The following SLC4A10 variants were observed in gnomAD, a reference collection of about 807,000 sequenced individuals.
SLC4A10 encodes the protein solute carrier family 4 member 10, also known as sodium-driven chloride bicarbonate exchanger.
A neutral mutation model predicts 137.7 loss-of-function variants in SLC4A10; 42 were observed. The observed-to-expected ratio is 0.30, with a 90% CI of 0.24 to 0.39. The LOEUF (loss-of-function observed/expected upper bound fraction) is 0.39, where lower values mean the gene tolerates loss of function less well. SLC4A10 is among the 10% of genes least tolerant of loss of function. SLC4A10 has a pLI of 1.00. For missense variants in SLC4A10, 925 were observed against 1,355.0 expected (o/e 0.68, Z 4.98); for synonymous variants, 474 against 464.1 (o/e 1.02, Z -0.27).
chr2:161,648,839 T>G (rs986899882), intron 1 of SLC4A10, among the ~76,000 whole-genome samples: 1 of 152,242 alleles, frequency 6.6e-6, no homozygotes, highest in Non-Finnish European at 1.5e-5. Context: ...TTCTACAGTC[T>G]GTGTAACTAT....
intron 2 of SLC4A10, among the ~76,000 whole-genome samples, chr2:161,782,013 C>T (rs1165490303): frequency 6.6e-6 from 1 of 152,066 alleles, no homozygotes. Context: ...TCTTCTCTGT[C>T]TTAAAGTGCT....
At chr2:161,980,103 G>A (rs1412120720) in intron 26 of SLC4A10, among the ~76,000 whole-genome samples, 1 of 152,184 alleles carries the variant, frequency 6.6e-6, no homozygotes, top group South Asian at 2.1e-4. Flanking sequence ...CATTGCATCA[G>A]AATAGGTTAG....
At chr2:161,674,055 G>A (rs929284966) in intron 1 of SLC4A10, among the ~76,000 whole-genome samples, 1 of 152,218 alleles carries the variant, frequency 6.6e-6, no homozygotes, top group East Asian at 1.9e-4. Context: ...AAATAGGTAA[G>A]TTTTAATACA....
intron 3 of SLC4A10, among the ~76,000 whole-genome samples, chr2:161,833,813 G>T (rs1435367000): frequency 6.6e-6 from 1 of 152,092 alleles, no homozygotes; most frequent in Non-Finnish European, 1.5e-5. Context: ...TCATCCATCG[G>T]CATCTGGTAT....
intron 4 of SLC4A10, among the ~76,000 whole-genome samples, chr2:161,852,145 T>C (rs2059868825): frequency 1.3e-5 from 2 of 152,334 alleles, no homozygotes; most frequent in Middle Eastern, 3.4e-3. Context: ...TAAACAGGGA[T>C]GACAGAAAGT....
At chr2:161,686,480 C>T (rs6746798) in intron 1 of SLC4A10, among the ~76,000 whole-genome samples, 140,660 of 152,288 alleles carry the variant, frequency 0.92, 65,004 homozygotes, top group East Asian at 1. Context: ...TCTTAATTGT[C>T]TCATTCTTCT....
At chr2:161,837,848 C>G (rs2058913684) in intron 3 of SLC4A10, among the ~76,000 whole-genome samples, 2 of 152,134 alleles carry the variant, frequency 1.3e-5, no homozygotes, top group Non-Finnish European at 2.9e-5. Context: ...GAAATTAGGT[C>G]ATGAGGGTGA....
At chr2:161,840,906 C>A (rs563450169) in intron 4 of SLC4A10, among the ~76,000 whole-genome samples, 7 of 152,042 alleles carry the variant, frequency 4.6e-5, no homozygotes, top group African/African-American at 1.7e-4. Context: ...ATCTAAACCA[C>A]GAGGTGAAAG....
At chr2:161,726,848 G>A (rs2046288404) in intron 1 of SLC4A10, among the ~76,000 whole-genome samples, 1 of 152,250 alleles carries the variant, frequency 6.6e-6, no homozygotes, top group African/African-American at 2.4e-5. Flanking sequence ...GGTGGGGGCT[G>A]CAGTGGGCCG....
At chr2:161,758,696 C>T (rs1193416814) in intron 1 of SLC4A10, among the ~76,000 whole-genome samples, 1 of 151,958 alleles carries the variant, frequency 6.6e-6, no homozygotes, top group African/African-American at 2.4e-5. Flanking sequence ...CAAAGGGCAA[C>T]ATTTTATTAA....
intron 1 of SLC4A10, among the ~76,000 whole-genome samples, chr2:161,703,152 G>A (rs926389383): frequency 6.6e-6 from 1 of 151,616 alleles, no homozygotes; most frequent in Non-Finnish European, 1.5e-5. Flanking sequence ...AACATCCTTT[G>A]ATCTAGTAAG....
chr2:161,786,521 T>G (rs1270027804), intron 2 of SLC4A10, among the ~76,000 whole-genome samples: 1 of 151,968 alleles, frequency 6.6e-6, no homozygotes, highest in African/African-American at 2.4e-5. Flanking sequence ...ATTTTGTACT[T>G]ATATGAGCTT....
chr2:161,837,905 C>T (rs2058917508), intron 3 of SLC4A10, among the ~76,000 whole-genome samples: 1 of 152,190 alleles, frequency 6.6e-6, no homozygotes, highest in African/African-American at 2.4e-5. Flanking sequence ...AACCTGCTCT[C>T]TCAGCCTTTT....
intron 1 of SLC4A10, among the ~76,000 whole-genome samples, chr2:161,735,163 T>C (rs1032873039): frequency 1.3e-5 from 2 of 148,620 alleles, no homozygotes; most frequent in African/African-American, 2.4e-5. Flanking sequence ...ATATATAATA[T>C]ACATATATTA....
chr2:161,693,059 A>G (rs899360344), intron 1 of SLC4A10, among the ~76,000 whole-genome samples: 2 of 152,112 alleles, frequency 1.3e-5, no homozygotes, highest in African/African-American at 4.8e-5. Flanking sequence ...AAGGCAGATG[A>G]AAGAGTGATT....
intron 1 of SLC4A10, among the ~76,000 whole-genome samples, chr2:161,626,210 C>G (rs1378647201): frequency 6.6e-6 from 1 of 152,018 alleles, no homozygotes; most frequent in African/African-American, 2.4e-5. Context: ...GTGTTGGAAC[C>G]TGTCCTAGAA....
chr2:161,718,533 T>G (rs1396013061), intron 1 of SLC4A10, among the ~76,000 whole-genome samples: 1 of 152,172 alleles, frequency 6.6e-6, no homozygotes, highest in Middle Eastern at 3.2e-3. Flanking sequence ...AACTTCCTGA[T>G]TTTTGCCTTA....
chr2:161,799,342 G>A (rs1313323184), intron 2 of SLC4A10, among the ~76,000 whole-genome samples: 1 of 151,708 alleles, frequency 6.6e-6, no homozygotes. Flanking sequence ...TGAATTTTTT[G>A]CCTTCTCAAC....
intron 4 of SLC4A10, among the ~76,000 whole-genome samples, chr2:161,849,660 A>G (rs1014199192): frequency 6.6e-6 from 1 of 152,118 alleles, no homozygotes; most frequent in African/African-American, 2.4e-5. Flanking sequence ...TGAGATGATC[A>G]TGTGGTTTTT....
Sources: allele counts gnomAD v4.1 joint callset (sites outside exome capture counted in the v4.1 genomes callset), GRCh38; gene constraint gnomAD v4.1.1; transcripts MANE v1.5; gene names NCBI Gene and HGNC (gene_info 2026-07-23, HGNC 2026-07-21).